PCDH7: variants seen among roughly 807,000 people sequenced by gnomAD.
The protein encoded by PCDH7 is protocadherin-7.
A neutral mutation model predicts 58.9 loss-of-function variants in PCDH7; 17 were observed. The observed-to-expected ratio is 0.29, with a 90% CI of 0.20 to 0.43. The LOEUF (loss-of-function observed/expected upper bound fraction) is 0.43, where lower values mean the gene tolerates loss of function less well. PCDH7 is among the 20% of genes least tolerant of loss of function. The pLI is 1.00. For missense variants in PCDH7, 1,274 were observed against 1,441.0 expected (o/e 0.88, Z 1.88); for synonymous variants, 664 against 616.4 (o/e 1.08, Z -1.14).
At chr4:30,765,347 A>G (rs1309890147) in intron 1 of PCDH7, among the ~76,000 whole-genome samples, 1 of 152,054 alleles carries the variant, frequency 6.6e-6, no homozygotes, top group Non-Finnish European at 1.5e-5. Context: ...CATAATGTTC[A>G]TGGCCTTGCC....
intron 2 of PCDH7, among the ~76,000 whole-genome samples, chr4:30,926,603 T>C (rs1743907335): frequency 6.6e-6 from 1 of 152,196 alleles, no homozygotes; most frequent in South Asian, 2.1e-4. Context: ...ACCTTAAATA[T>C]TTTCCAGTTA....
At chr4:30,925,263 A>G (rs1743708105) in intron 2 of PCDH7, among the ~76,000 whole-genome samples, 1 of 152,220 alleles carries the variant, frequency 6.6e-6, no homozygotes, top group Non-Finnish European at 1.5e-5. Flanking sequence ...TTAAATGGCC[A>G]AGTGTAATGA....
At chr4:31,075,811 A>C (rs971688673) in intron 3 of PCDH7, among the ~76,000 whole-genome samples, 5 of 151,988 alleles carry the variant, frequency 3.3e-5, no homozygotes, top group African/African-American at 1.2e-4. Context: ...CCTTCCTTTT[A>C]TTATTTTTTG....
At chr4:30,835,572 C>T (rs1374656) in intron 1 of PCDH7, among the ~76,000 whole-genome samples, 18,653 of 152,100 alleles carry the variant, frequency 0.12, 1,497 homozygotes, top group East Asian at 0.26. Flanking sequence ...GAGATCCAAT[C>T]ATATGGAGGT....
intron 3 of PCDH7, among the ~76,000 whole-genome samples, chr4:31,087,308 T>C (rs1712575173): frequency 6.6e-6 from 1 of 152,144 alleles, no homozygotes; most frequent in Non-Finnish European, 1.5e-5. Context: ...ATTCATTATG[T>C]TTTATAAAGA....
At chr4:31,143,137 G>GAAA, downstream of PCDH7, 1 of 153,470 alleles carries the variant, frequency 6.5e-6, no homozygotes. Context: ...AAAAAGAAAA[G>GAAA]AAAAAAAAAG....
At chr4:30,958,760 A>T (rs1360298951) in intron 3 of PCDH7, among the ~76,000 whole-genome samples, 4 of 152,070 alleles carry the variant, frequency 2.6e-5, no homozygotes, top group African/African-American at 9.6e-5. Flanking sequence ...AAAGCAAACC[A>T]GTCATTTCAT....
At chr4:30,770,809 A>C (rs1160384453) in intron 1 of PCDH7, among the ~76,000 whole-genome samples, 3 of 152,178 alleles carry the variant, frequency 2.0e-5, no homozygotes, top group African/African-American at 7.2e-5. Context: ...CAAGAACCAC[A>C]TTTTGAAGGG....
At chr4:30,964,782 C>T (rs1462281043) in intron 3 of PCDH7, among the ~76,000 whole-genome samples, 4 of 152,102 alleles carry the variant, frequency 2.6e-5, no homozygotes, top group Non-Finnish European at 5.9e-5. Flanking sequence ...CATGTACAAA[C>T]TAAAAAGTCC....
intron 2 of PCDH7, among the ~76,000 whole-genome samples, chr4:30,936,613 T>C (rs570679631): frequency 6.6e-6 from 1 of 150,710 alleles, no homozygotes; most frequent in East Asian, 1.9e-4. Context: ...TCTATCTGTG[T>C]ATTATAAACC....
At position 30,721,734 on chromosome 4, in the gene PCDH7, C is replaced by A; in HGVS notation, c.312C>A (p.Asp104Glu). Residue 104 changes from aspartate (D) to glutamate (E), a missense_variant, in exon 1 of 2, where the codon GAC becomes GAA. Around this residue, in one of 3 missense-constraint regions of PCDH7, gnomAD observed 212 missense variants for 255.8 expected, o/e 0.83. Transcript: ENST00000361762. The surrounding 1 kb of genome is among the most constrained non-coding windows in gnomAD (Gnocchi z 6.7). ...TGCCCCAGTGTCAGATGATCTTCGA[C>A]GAGAACGAGTGCTTCCTGGACTTCG... 5 of 1,613,914 alleles carry A rather than the reference C, an allele frequency of 3.1e-6. No individual in the cohort carries two copies. Among genetic ancestry groups the A allele is most frequent in the Non-Finnish European group, 3.4e-6 (4 of 1,179,994 alleles).
intron 3 of PCDH7, among the ~76,000 whole-genome samples, chr4:31,126,867 G>A (rs765116951): frequency 1.2e-4 from 19 of 152,116 alleles, no homozygotes; most frequent in Non-Finnish European, 1.9e-4. Context: ...GTTTCTGATA[G>A]GATTGATTTA....
chr4:30,765,975 A>C (rs2109273637), intron 1 of PCDH7, among the ~76,000 whole-genome samples: 1 of 152,194 alleles, frequency 6.6e-6, no homozygotes, highest in South Asian at 2.1e-4. Flanking sequence ...GGGAGCAGGG[A>C]AGAGCCAAAT....
At chr4:30,986,445 C>T (rs1750974245) in intron 3 of PCDH7, among the ~76,000 whole-genome samples, 1 of 151,982 alleles carries the variant, frequency 6.6e-6, no homozygotes, top group Non-Finnish European at 1.5e-5. Flanking sequence ...AAAAACCCAC[C>T]TATTTCTACA....
intron 3 of PCDH7, among the ~76,000 whole-genome samples, chr4:31,024,924 G>A (rs1434437998): frequency 1.3e-5 from 2 of 152,076 alleles, no homozygotes; most frequent in African/African-American, 2.4e-5. Flanking sequence ...TGTATTTTTA[G>A]TAGAGACAGG....
Position 30,809,934 on chromosome 4 carries a change from C to T in PCDH7, c.70+85338C>T, listed in dbSNP as rs532857650. On this transcript the variant is annotated intron_variant, in intron 1 of 3. Coordinates refer to the PCDH7 transcript ENST00000509759. ...CTTGCTTTTGGACATGCCTGGAGTG[C>T]AAAATCTCTTTTTTCTCTTGCTAAG... Among the ~76,000 whole-genome samples the T allele has an allele frequency of 2.0e-5, 3 of 152,250 alleles. No homozygotes were observed. The East Asian group carries it at 5.8e-4, about 29-fold the overall frequency.
intron 1 of PCDH7, among the ~76,000 whole-genome samples, chr4:30,848,033 T>C (rs1179611379): frequency 6.6e-6 from 1 of 152,170 alleles, no homozygotes; most frequent in Non-Finnish European, 1.5e-5. Flanking sequence ...GCCTTCTCTG[T>C]CTTTAATGTA....
Position 30,722,340 on chromosome 4 carries a change from C to G in PCDH7, c.918C>G (p.Pro306=), listed in dbSNP as rs1156807246. The G allele has an allele frequency of 2.8e-5, 45 of 1,611,802 alleles. No homozygotes were observed. Among genetic ancestry groups the G allele is most frequent in the Non-Finnish European group, 3.7e-5 (44 of 1,179,642 alleles). The change falls in exon 1 of 2, where the codon CCC becomes CCG. Residue 306 remains proline (P), a synonymous_variant. Transcript: ENST00000361762. The surrounding 1 kb of genome is among the most constrained non-coding windows in gnomAD (Gnocchi z 7.6). The stretch of plus-strand genomic sequence containing the variant: ...TCACCGACGTGAACGACAACAGCCC[C>G]CGCTTCGAGAAGAGCGTGTACGAGG...
intron 3 of PCDH7, among the ~76,000 whole-genome samples, chr4:31,030,427 G>A (rs1415281721): frequency 2.0e-5 from 3 of 152,128 alleles, no homozygotes; most frequent in African/African-American, 4.8e-5. Context: ...ACTAGCCAGG[G>A]TTAGCTATAG....
Sources: allele counts gnomAD v4.1 joint callset (sites outside exome capture counted in the v4.1 genomes callset), GRCh38; gene constraint gnomAD v4.1.1; regional missense constraint gnomAD v4.1.1; non-coding constraint Gnocchi (gnomAD v3.1); transcripts MANE v1.5; gene names NCBI Gene and HGNC (gene_info 2026-07-23, HGNC 2026-07-21).